The following PAPPA2 variants were observed in gnomAD, a reference collection of about 807,000 sequenced individuals.
PAPPA2 encodes pappalysin-2.
A neutral mutation model predicts 176.4 loss-of-function variants in PAPPA2; 86 were observed. The ratio of observed to expected loss-of-function variants is 0.49; its 90% CI spans 0.41 to 0.58. PAPPA2 has a LOEUF of 0.58. Among genes scored for constraint, PAPPA2 ranks in the 20% least tolerant of loss-of-function variants. The pLI, the probability that PAPPA2 is intolerant of heterozygous loss-of-function variation, is 0.00. For synonymous variants in PAPPA2, 809 were observed against 852.2 expected, an observed-to-expected ratio of 0.95 and a Z score of 0.88; for missense variants, 2,073 against 2,256.9, an observed-to-expected ratio of 0.92 and a Z score of 1.65.
In PAPPA2 at chr1:176,819,839, G is replaced by C. The variant is rs527452835; in HGVS notation, c.5202+19707G>C. Among the ~76,000 whole-genome samples, 7 of 152,356 alleles carry C rather than the reference G, an allele frequency of 4.6e-5. No individual in the cohort carries two copies. The South Asian group carries it at 1.4e-3, about 32-fold the overall frequency. On this transcript the variant is annotated intron_variant, in intron 21 of 22. Coordinates refer to ENST00000367662, the MANE Select transcript of PAPPA2 (RefSeq NM_020318.3). ...GCCTCTGCACTTTCAGTGCAGTCCAGCTTAAAGCCTGGAACTAGTTTTTGC... is the reference window on the plus strand; with the variant it reads ...GCCTCTGCACTTTCAGTGCAGTCCACCTTAAAGCCTGGAACTAGTTTTTGC...
intron 1 of PAPPA2, among the ~76,000 whole-genome samples, chr1:176,503,676 A>G (rs1648091122): frequency 6.6e-6 from 1 of 152,202 alleles, no homozygotes; most frequent in South Asian, 2.1e-4. Flanking sequence ...TTCTTGTGCC[A>G]TAGCTCCAAT....
chr1:176,737,482 T>C (rs1323449612), intron 12 of PAPPA2, among the ~76,000 whole-genome samples: 3 of 152,128 alleles, frequency 2.0e-5, no homozygotes, highest in Non-Finnish European at 4.4e-5. Flanking sequence ...TCCGAATGAA[T>C]GAAACTTGGC....
At chr1:176,561,043 G>C (rs1011389741) in intron 2 of PAPPA2, among the ~76,000 whole-genome samples, 32 of 152,344 alleles carry the variant, frequency 2.1e-4, no homozygotes, top group African/African-American at 7.7e-4. Flanking sequence ...TTCCTCCTCT[G>C]AGGATCCGAG....
At chr1:176,553,718 C>T (rs1434340513) in intron 1 of PAPPA2, 1 of 151,920 alleles carries the variant, frequency 6.6e-6, no homozygotes, top group Non-Finnish European at 1.5e-5. Flanking sequence ...CTGTGTTATC[C>T]CTCCTTCCTG....
At chr1:176,680,986 T>G (rs1659560600) in intron 4 of PAPPA2, among the ~76,000 whole-genome samples, 1 of 151,470 alleles carries the variant, frequency 6.6e-6, no homozygotes, top group Non-Finnish European at 1.5e-5. Context: ...AGGTGGAAAA[T>G]GTAGGAAAAG....
intron 21 of PAPPA2, among the ~76,000 whole-genome samples, chr1:176,803,409 C>G (rs567500929): frequency 1.2e-4 from 18 of 151,960 alleles, no homozygotes; most frequent in African/African-American, 4.3e-4. Flanking sequence ...GGTGTAGCCC[C>G]AATGTAATTA....
At chr1:176,836,790 T>G (rs1276136532) in intron 21 of PAPPA2, 1 of 152,022 alleles carries the variant, frequency 6.6e-6, no homozygotes, top group East Asian at 1.9e-4. Context: ...TACACTGAAC[T>G]ATCACATGAG....
At chr1:176,841,988 T>A (rs906159971) in intron 22 of PAPPA2, among the ~76,000 whole-genome samples, 1 of 152,196 alleles carries the variant, frequency 6.6e-6, no homozygotes, top group Non-Finnish European at 1.5e-5. Flanking sequence ...TCATCTTTCC[T>A]ACTTTACAGG....
chr1:176,540,866 T>C (rs72715196), intron 1 of PAPPA2, among the ~76,000 whole-genome samples: 16,670 of 152,196 alleles, frequency 0.11, 972 homozygotes, highest in Middle Eastern at 0.19. Context: ...CTCCCCACCA[T>C]GGCTTCTGAG....
chr1:176,532,012 C>G (rs1649838876), intron 1 of PAPPA2, among the ~76,000 whole-genome samples: 1 of 152,078 alleles, frequency 6.6e-6, no homozygotes, highest in Admixed American at 6.6e-5. Context: ...GGCAGTGGTG[C>G]TGAAGAAAAG....
chr1:176,479,022 A>T (rs1224845902), intron 1 of PAPPA2, among the ~76,000 whole-genome samples: 3 of 152,174 alleles, frequency 2.0e-5, no homozygotes, highest in Non-Finnish European at 4.4e-5. Flanking sequence ...ATCGATGAGG[A>T]TATTTTCTCC....
chr1:176,514,272 G>T (rs181638191), intron 1 of PAPPA2, among the ~76,000 whole-genome samples: 1 of 152,076 alleles, frequency 6.6e-6, no homozygotes, highest in Non-Finnish European at 1.5e-5. Context: ...AGAGGAGGCG[G>T]TGTCAGACTC....
At position 176,519,608 on chromosome 1, in the gene PAPPA2, A is replaced by G. The variant is rs368490024; in HGVS notation, c.-916-35799A>G. Reference sequence around the variant, plus strand: ...AAAAACTAATAAAACATAATATTATATATGCATTGTCCCGAGTTGCTCATT... The same window carrying G: ...AAAAACTAATAAAACATAATATTATGTATGCATTGTCCCGAGTTGCTCATT... On this transcript the variant is annotated intron_variant, in intron 1 of 22. Transcript: ENST00000367662. Among the ~76,000 whole-genome samples, 6 of 152,280 alleles carry G rather than the reference A, an allele frequency of 3.9e-5. 1 individual carries two copies.
chr1:176,704,750 G>T (rs906829411), intron 9 of PAPPA2, among the ~76,000 whole-genome samples: 1 of 152,014 alleles, frequency 6.6e-6, no homozygotes, highest in Non-Finnish European at 1.5e-5. Flanking sequence ...GAATTCAGAT[G>T]TGCTGTAAGT....
intron 3 of PAPPA2, among the ~76,000 whole-genome samples, chr1:176,669,201 G>A (rs1028826952): frequency 6.6e-6 from 1 of 152,180 alleles, no homozygotes; most frequent in African/African-American, 2.4e-5. Context: ...AATAGCAACA[G>A]AGAAAGGATG....
At chr1:176,654,855 A>C (rs968516344) in intron 3 of PAPPA2, among the ~76,000 whole-genome samples, 1 of 151,552 alleles carries the variant, frequency 6.6e-6, no homozygotes, top group Non-Finnish European at 1.5e-5. Context: ...TTGCCTTCTT[A>C]ATTTGTTTTT....
At chr1:176,507,043 AC>A (rs778230678) in intron 1 of PAPPA2, among the ~76,000 whole-genome samples, 17 of 152,152 alleles carry the variant, frequency 1.1e-4, no homozygotes, top group Admixed American at 1.3e-4. Context: ...TATGCATCCA[AC>A]AAAGGTTTAA....
chr1:176,651,461 A>T (rs1490021661), intron 3 of PAPPA2, among the ~76,000 whole-genome samples: 3 of 151,434 alleles, frequency 2.0e-5, no homozygotes, highest in Non-Finnish European at 4.4e-5. Context: ...CTCCTTCCTG[A>T]TCTGTATAGT....
intron 12 of PAPPA2, among the ~76,000 whole-genome samples, chr1:176,735,594 C>A (rs1407857821): frequency 3.9e-5 from 6 of 151,972 alleles, no homozygotes; most frequent in Non-Finnish European, 7.4e-5. Context: ...CACCAGTGGC[C>A]AATGGTTAGA....
Sources: allele counts gnomAD v4.1 joint callset (sites outside exome capture counted in the v4.1 genomes callset), GRCh38; gene constraint gnomAD v4.1.1; transcripts MANE v1.5; gene names NCBI Gene and HGNC (gene_info 2026-07-23, HGNC 2026-07-21).